The following DIAPH2 variants were observed in gnomAD, a reference collection of about 807,000 sequenced individuals.
The protein encoded by DIAPH2 is diaphanous related formin 2, also known as protein diaphanous homolog 2.
Under a neutral mutation model 92.7 loss-of-function variants are expected in DIAPH2, and 35 were observed. The observed-to-expected ratio is 0.38, with a 90% CI of 0.29 to 0.50. DIAPH2 has a LOEUF of 0.50. Among genes scored for constraint, DIAPH2 ranks in the 20% least tolerant of loss-of-function variants. DIAPH2 has a pLI of 0.94. For synonymous variants in DIAPH2, 301 were observed against 280.4 expected, an observed-to-expected ratio of 1.07 and a Z score of -0.73; for missense variants, 701 against 819.5, an observed-to-expected ratio of 0.86 and a Z score of 1.77.
At chrX:97,505,321 A>G (rs893374380) in intron 26 of DIAPH2, among the ~76,000 whole-genome samples, 24 of 111,901 alleles carry the variant, frequency 2.1e-4, no homozygotes, top group African/African-American at 7.8e-4. Flanking sequence ...CAGGGAAAGG[A>G]CATCCATCAT....
At chrX:96,784,081 G>C (rs966121165) in intron 4 of DIAPH2, among the ~76,000 whole-genome samples, 3 of 111,875 alleles carry the variant, frequency 2.7e-5, no homozygotes, top group Non-Finnish European at 5.6e-5. Context: ...ATTCTTTTCC[G>C]ATCTTTAGGT....
chrX:97,065,048 A>G (rs1166034184), intron 17 of DIAPH2, among the ~76,000 whole-genome samples: 1 of 111,514 alleles, frequency 9.0e-6, no homozygotes, highest in Non-Finnish European at 1.9e-5. Flanking sequence ...TCTCAACAAG[A>G]ATTGTCCTAT....
intron 25 of DIAPH2, among the ~76,000 whole-genome samples, chrX:97,424,040 A>G (rs180696654): frequency 3.4e-3 from 376 of 112,057 alleles, no homozygotes; most frequent in African/African-American, 0.012. Context: ...ATTCAAAATG[A>G]AGAGTAACTT....
chrX:97,437,120 G>A (rs1256336866), intron 26 of DIAPH2, among the ~76,000 whole-genome samples: 1 of 111,027 alleles, frequency 9.0e-6, no homozygotes, highest in Non-Finnish European at 1.9e-5. Context: ...GGTCTATTGT[G>A]GTTTTGTGCT....
intron 17 of DIAPH2, among the ~76,000 whole-genome samples, chrX:96,996,472 G>A (rs1016742508): frequency 2.1e-4 from 23 of 111,543 alleles, no homozygotes; most frequent in African/African-American, 7.2e-4. Flanking sequence ...GAAGGTCAAG[G>A]ATTCTATTAG....
At chrX:97,375,345 A>G (rs769064142) in intron 24 of DIAPH2, among the ~76,000 whole-genome samples, 13 of 110,835 alleles carry the variant, frequency 1.2e-4, no homozygotes, top group African/African-American at 4.3e-4. Flanking sequence ...AATCCCAGCT[A>G]CTCGGGAGGC....
At chrX:97,336,621 C>T (rs1186735709) in intron 23 of DIAPH2, among the ~76,000 whole-genome samples, 1 of 111,595 alleles carries the variant, frequency 9.0e-6, no homozygotes, top group Non-Finnish European at 1.9e-5. Flanking sequence ...CCCCACTCAA[C>T]TGACATCTCC....
At chrX:96,821,887 T>C (rs1275638344) in intron 4 of DIAPH2, among the ~76,000 whole-genome samples, 1 of 112,008 alleles carries the variant, frequency 8.9e-6, no homozygotes, top group Non-Finnish European at 1.9e-5. Flanking sequence ...AAAGATGCAT[T>C]GAACTCTTTT....
At chrX:97,483,454 T>A (rs185487306) in intron 26 of DIAPH2, among the ~76,000 whole-genome samples, 1 of 111,569 alleles carries the variant, frequency 9.0e-6, no homozygotes, top group African/African-American at 3.3e-5. Flanking sequence ...CCTGACCTCT[T>A]AATCACAACT....
intron 17 of DIAPH2, among the ~76,000 whole-genome samples, chrX:97,046,000 G>A (rs992909937): frequency 1.9e-5 from 2 of 107,373 alleles, no homozygotes; most frequent in Non-Finnish European, 3.8e-5. Context: ...ACTACTACAG[G>A]TGCACACCCC....
At chrX:97,417,599 C>G (rs1185803776) in intron 25 of DIAPH2, among the ~76,000 whole-genome samples, 1 of 111,430 alleles carries the variant, frequency 9.0e-6, no homozygotes, top group African/African-American at 3.3e-5. Flanking sequence ...CGCTTGAACC[C>G]AGGAGGCACA....
intron 21 of DIAPH2, among the ~76,000 whole-genome samples, chrX:97,138,902 A>G (rs1014310109): frequency 9.0e-6 from 1 of 111,299 alleles, no homozygotes; most frequent in Non-Finnish European, 1.9e-5. Flanking sequence ...TATAACCACC[A>G]CTAAGACTTA....
intron 4 of DIAPH2, among the ~76,000 whole-genome samples, chrX:96,872,550 G>A (rs892292225): frequency 9.7e-6 from 1 of 103,037 alleles, no homozygotes; most frequent in Non-Finnish European, 2.0e-5. Flanking sequence ...GGAGTGCAGT[G>A]GTGTGATCTC....
chrX:97,460,717 A>G (rs965512828), intron 26 of DIAPH2, among the ~76,000 whole-genome samples: 2 of 111,460 alleles, frequency 1.8e-5, no homozygotes, highest in African/African-American at 3.3e-5. Context: ...TGTTTTGTCA[A>G]TGCTTGATCA....
chrX:97,470,083 T>C (rs2070549673), intron 26 of DIAPH2, among the ~76,000 whole-genome samples: 1 of 111,549 alleles, frequency 9.0e-6, no homozygotes, highest in Non-Finnish European at 1.9e-5. Context: ...TAACATATGA[T>C]CTCTGTCCTA....
intron 26 of DIAPH2, among the ~76,000 whole-genome samples, chrX:97,570,127 A>ATT (rs1556243082): frequency 3.7e-5 from 1 of 27,322 alleles, no homozygotes; most frequent in African/African-American, 1.4e-4. Context: ...TATATATTAG[A>ATT]AGATAGATAG....
intron 3 of DIAPH2, among the ~76,000 whole-genome samples, chrX:96,741,446 C>T (rs2064118970): frequency 9.6e-6 from 1 of 104,642 alleles, no homozygotes; most frequent in African/African-American, 3.5e-5. Context: ...CTGCCAAATC[C>T]CATGGTCAAT....
chrX:97,312,418 C>G (rs2068804197), intron 23 of DIAPH2, among the ~76,000 whole-genome samples: 1 of 82,598 alleles, frequency 1.2e-5, no homozygotes, highest in Admixed American at 1.8e-4. Flanking sequence ...GTCATGTTCT[C>G]AGCTCATTGC....
At chrX:96,767,418 CAGTCTTTTCATTGATAA>C in intron 4 of DIAPH2, among the ~76,000 whole-genome samples, 1 of 111,121 alleles carries the variant, frequency 9.0e-6, no homozygotes, top group Non-Finnish European at 1.9e-5. Flanking sequence ...CTCTGAATCT[CAGTCTTTTCATTGATAA>C]AATGAAGAGA....
Sources: gnomAD v4.1 joint callset for allele counts (sites outside exome capture counted in the v4.1 genomes callset) on GRCh38, gnomAD v4.1.1 for gene constraint, MANE v1.5 for transcripts, NCBI Gene and HGNC (gene_info 2026-07-23, HGNC 2026-07-21) for gene names.